Variants in LINGO2 observed in about 807,000 individuals in gnomAD.
LINGO2 encodes leucine rich repeat and Ig domain containing 2.
A neutral mutation model predicts 30.6 loss-of-function variants in LINGO2; 14 were observed. The ratio of observed to expected loss-of-function variants is 0.46; its 90% confidence interval spans 0.30 to 0.72. The LOEUF (loss-of-function observed/expected upper bound fraction) is 0.72, where lower values mean the gene tolerates loss of function less well. Ranked by LOEUF, LINGO2 falls within the 30% of genes least tolerant of loss-of-function variation. The probability of loss-of-function intolerance (pLI) is 0.07; values close to 1 mark genes in which losing one functional copy is unlikely to be tolerated. For synonymous variants in LINGO2, 317 were observed against 288.5 expected, an observed-to-expected ratio of 1.10 and a Z score of -1.00; for missense variants, 729 against 751.7, an observed-to-expected ratio of 0.97 and a Z score of 0.35.
intron 1 of LINGO2, among the ~76,000 whole-genome samples, chr9:28,552,926 A>G (rs555504314): frequency 2.0e-5 from 3 of 151,600 alleles, no homozygotes; most frequent in South Asian, 4.2e-4. Context: ...GAGATGAAGA[A>G]CCTTTTCTCA....
At chr9:28,207,628 C>T (rs1820452378) in intron 4 of LINGO2, among the ~76,000 whole-genome samples, 1 of 152,028 alleles carries the variant, frequency 6.6e-6, no homozygotes, top group Non-Finnish European at 1.5e-5. Flanking sequence ...CTTTCTTCAT[C>T]CTCACCCTGA....
At chr9:28,993,715 C>T in the LINGO2 span, among the ~76,000 whole-genome samples, 20 of 150,432 alleles carry the variant, frequency 1.3e-4, 2 homozygotes, top group Admixed American at 5.3e-4. Context: ...GTTCAATATA[C>T]GCAAATCAAT....
chr9:28,883,805 G>A, the LINGO2 span, among the ~76,000 whole-genome samples: 1 of 150,136 alleles, frequency 6.7e-6, no homozygotes, highest in Non-Finnish European at 1.5e-5. Context: ...AGCCTCCCGA[G>A]TAGCTGGGAT....
the LINGO2 span, among the ~76,000 whole-genome samples, chr9:28,750,391 C>T: frequency 1.3e-5 from 2 of 152,192 alleles, no homozygotes; most frequent in South Asian, 2.1e-4. Context: ...AAGAGAAACA[C>T]CCAACCTAGA....
At chr9:28,845,208 C>T in the LINGO2 span, among the ~76,000 whole-genome samples, 16 of 151,764 alleles carry the variant, frequency 1.1e-4, no homozygotes, top group African/African-American at 2.4e-4. Flanking sequence ...CTTGACAGTG[C>T]GATGTGTCCA....
the LINGO2 span, among the ~76,000 whole-genome samples, chr9:28,724,347 C>T: frequency 6.6e-6 from 1 of 152,088 alleles, no homozygotes; most frequent in Non-Finnish European, 1.5e-5. Flanking sequence ...ACTTTTATTG[C>T]CCAAGGGAAA....
chr9:28,834,752 G>A, the LINGO2 span, among the ~76,000 whole-genome samples: 5 of 152,046 alleles, frequency 3.3e-5, no homozygotes, highest in Admixed American at 1.3e-4. Flanking sequence ...ATCTGCCATT[G>A]AGCTGACAGA....
intron 4 of LINGO2, among the ~76,000 whole-genome samples, chr9:28,104,266 G>GT (rs74180789): frequency 0.48 from 47,251 of 97,578 alleles, 11,277 homozygotes; most frequent in South Asian, 0.53. Context: ...TTTTTTGTTT[G>GT]TTTTTTTTTT....
the LINGO2 span, among the ~76,000 whole-genome samples, chr9:29,109,754 GA>G: frequency 6.6e-6 from 1 of 152,170 alleles, no homozygotes; most frequent in Non-Finnish European, 1.5e-5. Flanking sequence ...AGTTAATTTA[GA>G]AATGTATACA....
At chr9:28,438,886 A>AAT (rs888678380) in intron 2 of LINGO2, among the ~76,000 whole-genome samples, 11 of 137,794 alleles carry the variant, frequency 8.0e-5, no homozygotes, top group East Asian at 6.4e-4. Context: ...TATATAGTGA[A>AAT]ATATATATAT....
At position 28,227,270 on chromosome 9, in the gene LINGO2, A is replaced by G. The variant is rs73429505; in HGVS notation, c.-87+67938T>C. Among the ~76,000 whole-genome samples, 1,386 of 152,192 alleles carry G rather than the reference A, an allele frequency of 9.1e-3. 25 individuals are homozygous for G. The highest frequency in any genetic ancestry group is 0.032 in the African/African-American group (1,309 of 41,554). ...AGTGGTTCTCAAGCTATCTTTAAAC[A>G]TTATTAGGCTTTTGGTTCTGTTTTA... On this transcript the variant is annotated intron_variant, in intron 4 of 5. Transcript: ENST00000379992.
intron 1 of LINGO2, among the ~76,000 whole-genome samples, chr9:28,539,474 A>G (rs1312524971): frequency 2.0e-5 from 3 of 152,010 alleles, no homozygotes; most frequent in Admixed American, 6.6e-5. Context: ...GTATGTGTGC[A>G]CACACACACA....
chr9:28,792,062 T>A, the LINGO2 span, among the ~76,000 whole-genome samples: 1 of 151,286 alleles, frequency 6.6e-6, no homozygotes. Context: ...TATATATATA[T>A]GTATGTATGT....
intron 3 of LINGO2, among the ~76,000 whole-genome samples, chr9:28,306,966 C>T (rs1222845162): frequency 6.6e-6 from 1 of 151,978 alleles, no homozygotes; most frequent in South Asian, 2.1e-4. Flanking sequence ...GAGTCCAGGA[C>T]CAGATGGATT....
chr9:28,319,133 T>G (rs576566081), intron 3 of LINGO2, among the ~76,000 whole-genome samples: 1 of 140,318 alleles, frequency 7.1e-6, no homozygotes, highest in South Asian at 2.3e-4. Context: ...AAATAAACAT[T>G]TAAAGAGTCA....
the LINGO2 span, among the ~76,000 whole-genome samples, chr9:28,833,794 A>C: frequency 6.6e-6 from 1 of 152,196 alleles, no homozygotes; most frequent in South Asian, 2.1e-4. Flanking sequence ...TTTCTATTTA[A>C]GACAAGGGTA....
At chr9:28,967,712 T>C in the LINGO2 span, among the ~76,000 whole-genome samples, 1 of 152,202 alleles carries the variant, frequency 6.6e-6, no homozygotes, top group Non-Finnish European at 1.5e-5. Context: ...ATCAACATAG[T>C]CTTGTCAGAC....
intron 2 of LINGO2, among the ~76,000 whole-genome samples, chr9:28,413,731 A>G (rs1167434068): frequency 6.6e-6 from 1 of 152,104 alleles, no homozygotes; most frequent in African/African-American, 2.4e-5. Flanking sequence ...CCTGCTGTGC[A>G]GGTGGAGCTT....
At chr9:28,034,198 C>T (rs1008633277) in intron 4 of LINGO2, among the ~76,000 whole-genome samples, 6 of 152,222 alleles carry the variant, frequency 3.9e-5, no homozygotes, top group African/African-American at 9.6e-5. Context: ...CCAGCTGCTG[C>T]TCTGCTCCCC....
Sources: allele counts gnomAD v4.1 joint callset (sites outside exome capture counted in the v4.1 genomes callset), GRCh38; gene constraint gnomAD v4.1.1; transcripts MANE v1.5; gene names NCBI Gene and HGNC (gene_info 2026-07-23, HGNC 2026-07-21).